The following KLHL3 variants were observed in gnomAD, a reference collection of about 807,000 sequenced individuals.
KLHL3 encodes kelch-like protein 3.
In KLHL3, 19 loss-of-function variants were observed where a neutral mutation model predicts 70.5. The observed-to-expected ratio is 0.27, with a 90% confidence interval of 0.19 to 0.40. The LOEUF (loss-of-function observed/expected upper bound fraction) is 0.40. KLHL3 is among the 10% of genes least tolerant of loss of function. The pLI is 1.00. For missense variants in KLHL3, 512 were observed against 771.1 expected (o/e 0.66, Z 3.98); for synonymous variants, 258 against 290.3 (o/e 0.89, Z 1.13).
chr5:137,663,945 C>A (rs781780281), intron 6 of KLHL3, among the ~76,000 whole-genome samples: 12 of 152,078 alleles, frequency 7.9e-5, no homozygotes, highest in Non-Finnish European at 1.5e-4. Flanking sequence ...CAAAGGAAAC[C>A]TTTTGTGGTT....
At chr5:137,699,111 C>G (rs1357840232) in intron 3 of KLHL3, among the ~76,000 whole-genome samples, 1 of 152,066 alleles carries the variant, frequency 6.6e-6, no homozygotes, top group Admixed American at 6.5e-5. Flanking sequence ...ATCCCAAGAA[C>G]ACAGAGGAGG....
intron 1 of KLHL3, among the ~76,000 whole-genome samples, chr5:137,721,570 A>G (rs1752998159): frequency 6.6e-6 from 1 of 152,256 alleles, no homozygotes; most frequent in African/African-American, 2.4e-5. Context: ...TATTATGGAA[A>G]GAAAGGCTAT....
At chr5:137,675,950 TC>T (rs1433962127) in intron 6 of KLHL3, among the ~76,000 whole-genome samples, 1 of 152,192 alleles carries the variant, frequency 6.6e-6, no homozygotes, top group Non-Finnish European at 1.5e-5. Context: ...GACTGGTTCA[TC>T]CCTTCCAATT....
At chr5:137,695,370 G>C (rs887429511) in intron 4 of KLHL3, among the ~76,000 whole-genome samples, 1 of 152,058 alleles carries the variant, frequency 6.6e-6, no homozygotes, top group Non-Finnish European at 1.5e-5. Flanking sequence ...AAAATGAATG[G>C]GCCTTCTGGT....
At chr5:137,727,376 A>G (rs1334452070) in intron 1 of KLHL3, among the ~76,000 whole-genome samples, 1 of 152,136 alleles carries the variant, frequency 6.6e-6, no homozygotes, top group Non-Finnish European at 1.5e-5. Flanking sequence ...TTATTATAAT[A>G]ACCTCCTCCC....
intron 14 of KLHL3, among the ~76,000 whole-genome samples, chr5:137,625,313 T>C (rs1750432181): frequency 6.6e-6 from 1 of 152,270 alleles, no homozygotes; most frequent in African/African-American, 2.4e-5. Flanking sequence ...CTAGCGTATG[T>C]CATTTAGAAC....
chr5:137,655,271 TAAAG>T (rs1442530534), intron 8 of KLHL3, among the ~76,000 whole-genome samples: 2 of 152,148 alleles, frequency 1.3e-5, no homozygotes, highest in Non-Finnish European at 2.9e-5. Flanking sequence ...TAGATCATAA[TAAAG>T]ATAGTATTCA....
At chr5:137,679,657 T>A (rs77116542) in intron 5 of KLHL3, among the ~76,000 whole-genome samples, 1 of 152,136 alleles carries the variant, frequency 6.6e-6, no homozygotes, top group African/African-American at 2.4e-5. Context: ...TCCTTAGAGA[T>A]AAATCAAGAC....
chr5:137,701,640 A>T (rs1218231833), intron 3 of KLHL3, among the ~76,000 whole-genome samples: 3 of 152,130 alleles, frequency 2.0e-5, no homozygotes, highest in Non-Finnish European at 4.4e-5. Context: ...TAGAAAATTT[A>T]AAAAAAAGAA....
chr5:137,665,740 A>AT (rs535226285), intron 6 of KLHL3, among the ~76,000 whole-genome samples: 8 of 151,896 alleles, frequency 5.3e-5, no homozygotes, highest in African/African-American at 7.3e-5. Context: ...ACCTAAGTAC[A>AT]TTTTTTTTGT....
intron 6 of KLHL3, among the ~76,000 whole-genome samples, chr5:137,662,440 C>T (rs1049080631): frequency 6.6e-6 from 1 of 152,142 alleles, no homozygotes; most frequent in Non-Finnish European, 1.5e-5. Context: ...GGGGCAATGT[C>T]GTCATCTCCC....
chr5:137,720,614 G>A (rs1358493548), intron 1 of KLHL3, 30 bp from the exon 2 acceptor site: 2 of 1,612,572 alleles, frequency 1.2e-6, no homozygotes, highest in Non-Finnish European at 8.5e-7. Context: ...GGGAGGGAAA[G>A]AGAATCACTC....
intron 1 of KLHL3, among the ~76,000 whole-genome samples, chr5:137,731,537 C>G (rs1041766486): frequency 1.3e-5 from 2 of 152,116 alleles, no homozygotes; most frequent in African/African-American, 4.8e-5. Context: ...ATCTGTCGTT[C>G]CTGGATCAAG....
chr5:137,728,159 T>C (rs988020870), intron 1 of KLHL3, among the ~76,000 whole-genome samples: 4 of 152,202 alleles, frequency 2.6e-5, no homozygotes, highest in African/African-American at 9.6e-5. Context: ...ATAATGGCTA[T>C]ATTTAATAAC....
chr5:137,662,545 A>G (rs1751509190), intron 6 of KLHL3, among the ~76,000 whole-genome samples: 2 of 152,338 alleles, frequency 1.3e-5, no homozygotes, highest in Non-Finnish European at 2.9e-5. Flanking sequence ...GTGATGGTCA[A>G]TGTGACACTG....
At chr5:137,665,965 G>T (rs1265934143) in intron 6 of KLHL3, among the ~76,000 whole-genome samples, 1 of 152,136 alleles carries the variant, frequency 6.6e-6, no homozygotes, top group Non-Finnish European at 1.5e-5. Context: ...ACCTATATGT[G>T]TACAAACATA....
intron 14 of KLHL3, among the ~76,000 whole-genome samples, chr5:137,624,887 C>G (rs528654188): frequency 4.3e-4 from 65 of 152,272 alleles, no homozygotes; most frequent in African/African-American, 1.5e-3. Context: ...CTCACCAAAC[C>G]CCTCACACAC....
Position 137,735,666 on chromosome 5 carries a change from G to A in KLHL3, c.-20C>T. On this transcript the variant is annotated 5_prime_UTR_variant, in exon 1 of 15. Transcript: ENST00000309755. ...CTCCATTGTGTGAGGCCCAGCCAGG[G>A]TGGTAGCTGCTGAACTGTGTATGCA... The A allele has an allele frequency of 6.2e-7, 1 of 1,614,054 alleles. No individual in the cohort carries two copies. Among genetic ancestry groups the A allele is most frequent in the Non-Finnish European group, 8.5e-7 (1 of 1,179,916 alleles).
intron 1 of KLHL3, among the ~76,000 whole-genome samples, chr5:137,730,401 T>C (rs1393821128): frequency 6.6e-6 from 1 of 152,198 alleles, no homozygotes; most frequent in Non-Finnish European, 1.5e-5. Context: ...CTTCTGATTA[T>C]GGGAAATTGC....
Sources: gnomAD v4.1 joint callset for allele counts (sites outside exome capture counted in the v4.1 genomes callset) on GRCh38, gnomAD v4.1.1 for gene constraint, MANE v1.5 for transcripts, NCBI Gene and HGNC (gene_info 2026-07-23, HGNC 2026-07-21) for gene names.